The following GNPAT variants were observed in gnomAD, a reference collection of about 807,000 sequenced individuals.
GNPAT encodes dihydroxyacetone phosphate acyltransferase.
In GNPAT, 30 loss-of-function variants were observed where a neutral mutation model predicts 78.4. The ratio of observed to expected loss-of-function variants is 0.38; its 90% CI spans 0.29 to 0.52. The LOEUF (loss-of-function observed/expected upper bound fraction) is 0.52. GNPAT is among the 20% of genes least tolerant of loss of function. The pLI is 0.84. For missense variants in GNPAT, 714 were observed against 812.2 expected, an observed-to-expected ratio of 0.88 and a Z score of 1.47; for synonymous variants, 271 against 281.1, an observed-to-expected ratio of 0.96 and a Z score of 0.36.
intron 2 of GNPAT, among the ~76,000 whole-genome samples, chr1:231,254,156 C>T (rs1684977629): frequency 6.6e-6 from 1 of 152,138 alleles, no homozygotes; most frequent in Non-Finnish European, 1.5e-5. Flanking sequence ...AATGCACACC[C>T]AGGTTAAGTG....
chr1:231,253,820 T>C (rs557158670), intron 2 of GNPAT, among the ~76,000 whole-genome samples: 6 of 152,300 alleles, frequency 3.9e-5, no homozygotes, highest in Admixed American at 3.3e-4. Context: ...GCCTAACACA[T>C]AGTAGACATT....
At chr1:231,254,582 C>T (rs1294495544) in intron 2 of GNPAT, among the ~76,000 whole-genome samples, 1 of 151,766 alleles carries the variant, frequency 6.6e-6, no homozygotes, top group Non-Finnish European at 1.5e-5. Context: ...GCTGGGACTA[C>T]AGGTGTCCGC....
intron 2 of GNPAT, among the ~76,000 whole-genome samples, chr1:231,258,639 T>G: frequency 7.6e-6 from 1 of 131,924 alleles, no homozygotes. Flanking sequence ...TTTTTTTTTT[T>G]TTTTTTTTTT....
At chr1:231,242,300 A>C (rs1684635356) in intron 1 of GNPAT, among the ~76,000 whole-genome samples, 1 of 152,236 alleles carries the variant, frequency 6.6e-6, no homozygotes, top group African/African-American at 2.4e-5. Context: ...TTTTAAAAGC[A>C]TATTAGCATA....
Position 231,241,353 on chromosome 1 carries a change from A to G in GNPAT, c.-26A>G. 1 of 1,591,796 alleles carries G rather than the reference A, an allele frequency of 6.3e-7. No individual in the cohort carries two copies. The highest frequency in any genetic ancestry group is 8.6e-7 in the Non-Finnish European group (1 of 1,159,700). On this transcript the variant is annotated 5_prime_UTR_variant, in exon 1 of 16. Coordinates refer to ENST00000366647, the MANE Select transcript of GNPAT (RefSeq NM_014236.4). The stretch of plus-strand genomic sequence containing the variant: ...ACCACGGCTTAGCAAAGAATCCCAG[A>G]CCCCGCCCGGGAAGGCAGCCGCACC...
In GNPAT at chr1:231,250,969, C is replaced by T; in HGVS notation, c.87C>T (p.Leu29=). The change falls in exon 2 of 16, where the codon CTC becomes CTT. Residue 29 remains leucine (L), a synonymous_variant. Transcript: ENST00000366647. The part of the protein sequence containing the change: ...SAVVLLYSKE[L]KKWDEFEDIL... The stretch of plus-strand genomic sequence containing the variant: ...TCTTGCCTTATCCACAGAAGGAGCT[C>T]AAAAAGTGGGATGAGTTTGAAGATA... 2 of 1,608,506 alleles carry T rather than the reference C, an allele frequency of 1.2e-6. No individual in the cohort carries two copies. The highest frequency in any genetic ancestry group is 1.7e-6 in the Non-Finnish European group (2 of 1,175,564).
At chr1:231,256,547 C>T (rs1255978784) in intron 2 of GNPAT, among the ~76,000 whole-genome samples, 5 of 122,502 alleles carry the variant, frequency 4.1e-5, no homozygotes, top group East Asian at 2.6e-4. Flanking sequence ...AGTGCAGTGG[C>T]GCGATCTGGG....
intron 2 of GNPAT, among the ~76,000 whole-genome samples, chr1:231,257,300 G>C (rs1685092877): frequency 6.6e-6 from 1 of 152,024 alleles, no homozygotes; most frequent in African/African-American, 2.4e-5. Context: ...CATGTATTCT[G>C]CCTCGTTTCC....
chr1:231,259,165 T>C (rs1002671961), intron 2 of GNPAT, among the ~76,000 whole-genome samples: 1 of 151,860 alleles, frequency 6.6e-6, no homozygotes, highest in Non-Finnish European at 1.5e-5. Context: ...AACTTTTTTT[T>C]TTTTTTGGCA....
rs375690282 is a variant in GNPAT at position 231,277,603 on chromosome 1, A to T, written c.*61A>T. The T allele has an allele frequency of 1.5e-5, 14 of 950,584 alleles. No homozygotes were observed. The South Asian group carries it at 1.8e-4, about 12-fold the overall frequency. 58.9% of individuals were successfully genotyped at this position (950,584 alleles called of 1,614,324 possible). A position where few individuals can be genotyped will look rare whatever the true frequency, so the allele number is the denominator to read the frequency against. On this transcript the variant is annotated 3_prime_UTR_variant, in exon 16 of 16. Coordinates refer to ENST00000366647, the MANE Select transcript of GNPAT (RefSeq NM_014236.4). ...AATTACTCTCATCGAAGGACTCATT[A>T]CAACAAACAGGGAAGTAAAGGAAGA...
In GNPAT at chr1:231,274,036, T is replaced by G; in HGVS notation, c.1717T>G (p.Phe573Val). Residue 573 changes from phenylalanine to valine, a missense_variant, in exon 12 of 16, where the codon TTT becomes GTT. Coordinates refer to ENST00000366647, the MANE Select transcript of GNPAT (RefSeq NM_014236.4). Reference sequence around the variant, plus strand: ...TGTGTTAGAATTTTTAGTAGGACTCTTTAAACCTTTTGTGGAAAGCTATCA... The same window carrying G: ...TGTGTTAGAATTTTTAGTAGGACTCGTTAAACCTTTTGTGGAAAGCTATCA... ...NTVLEFLVGL[F>V]KPFVESYQII... 6.2e-7 allele frequency: 1 copy of G among 1,613,682 alleles called. No homozygotes were observed. Among genetic ancestry groups the G allele is most frequent in the East Asian group, 2.2e-5 (1 of 44,876 alleles).
rs534678265 is a variant in GNPAT at position 231,246,812 on chromosome 1, C to T, written c.79-4149C>T. Among the ~76,000 whole-genome samples the T allele has an allele frequency of 3.9e-5, 6 of 152,320 alleles. No homozygotes were observed. In the South Asian group the frequency reaches 1.2e-3, roughly 32 times the overall value. ...TAATCAGAAATCTCTACAGGTGGAA[C>T]CTGGATATCAGTATTTATTTTGAAG... On this transcript the variant is annotated intron_variant, in intron 1 of 15. Transcript: ENST00000366647.
At chr1:231,276,061 C>T (rs905182453) in intron 14 of GNPAT, 74 bp from the exon 15 acceptor site, 16 of 745,252 alleles carry the variant, frequency 2.1e-5, no homozygotes, top group African/African-American at 1.9e-4. Context: ...ACAATAGCTA[C>T]GTCAGGAACA....
intron 9 of GNPAT, among the ~76,000 whole-genome samples, chr1:231,268,609 C>A (rs375207998): frequency 0.01 from 1,087 of 108,060 alleles, no homozygotes; most frequent in Middle Eastern, 0.018. Flanking sequence ...ACCCCATCTC[C>A]AAAAAAAAAA....
rs1163651890 is a variant in GNPAT at position 231,260,544 on chromosome 1, G to A, written c.299G>A (p.Arg100Gln). 41 of 1,610,600 alleles carry A rather than the reference G, an allele frequency of 2.5e-5. No individual in the cohort carries two copies. The highest frequency in any genetic ancestry group is 2.0e-4 in the East Asian group (9 of 44,840). ...TCCCTTCAATCTGTGGATGTCCTCC[G>A]AGAGGAAGTGAGTGAGATCTTAGAT... ...KESLQSVDVL[R>Q]EEVSEILDEM... Residue 100 changes from arginine to glutamine, a missense_variant, in exon 3 of 16, where the codon CGA (arginine) becomes CAA (glutamine). Coordinates refer to ENST00000366647, the MANE Select transcript of GNPAT (RefSeq NM_014236.4).
intron 10 of GNPAT, 90 bp downstream of exon 10, chr1:231,271,090 C>A: frequency 7.1e-7 from 1 of 1,400,602 alleles, no homozygotes; most frequent in Non-Finnish European, 1.0e-6. Flanking sequence ...TTGTAATGTT[C>A]AGCCTCACGC....
At chr1:231,250,848 G>C in intron 1 of GNPAT, 113 bp from the exon 2 acceptor site, 1 of 733,650 alleles carries the variant, frequency 1.4e-6, no homozygotes, top group Admixed American at 1.9e-5. Flanking sequence ...CTCTGCTCCT[G>C]TTCACGTCAT....
Position 231,267,761 on chromosome 1 carries a change from A to C in GNPAT, c.1137A>C (p.Glu379Asp). The change falls in exon 9 of 16, where the codon GAA becomes GAC. Residue 379 changes from glutamate (E) to aspartate (D), a missense_variant. Physicochemically the swap from Glu to Asp is conservative, Grantham distance 45 (BLOSUM62 2). Coordinates refer to ENST00000366647, the MANE Select transcript of GNPAT (RefSeq NM_014236.4). ...VAYKMELLQI[E>D]NMVLSPWTLI... ...ACAAAATGGAGCTTCTGCAAATTGA[A>C]AACATGGTTTTGAGCCCCTGGACCC... is the stretch of plus-strand genomic sequence containing the variant. 4 of 1,613,498 alleles carry C rather than the reference A, an allele frequency of 2.5e-6. No individual in the cohort carries two copies. The highest frequency in any genetic ancestry group is 3.4e-6 in the Non-Finnish European group (4 of 1,179,402).
chr1:231,273,676 G>A (rs1685630036), intron 11 of GNPAT, among the ~76,000 whole-genome samples: 1 of 152,186 alleles, frequency 6.6e-6, no homozygotes, highest in African/African-American at 2.4e-5. Context: ...TGATTTGTAA[G>A]GCTCAGAAAT....
Sources: allele counts gnomAD v4.1 joint callset (sites outside exome capture counted in the v4.1 genomes callset), GRCh38; gene constraint gnomAD v4.1.1; transcripts MANE v1.5; gene names NCBI Gene and HGNC (gene_info 2026-07-23, HGNC 2026-07-21).